AP5Z1: variants seen among roughly 807,000 people sequenced by gnomAD.
AP5Z1 encodes AP-5 complex subunit zeta-1.
In AP5Z1, 106 loss-of-function variants were observed where a neutral mutation model predicts 83.0. That is an observed-to-expected ratio of 1.28 (90% CI 1.09 to 1.50). The LOEUF (loss-of-function observed/expected upper bound fraction) is 1.50. Among genes scored for constraint, AP5Z1 ranks in the 40% most tolerant of loss-of-function variants. The pLI is 0.00. For synonymous variants in AP5Z1, 751 were observed against 514.1 expected, an observed-to-expected ratio of 1.46 and a Z score of -6.23; for missense variants, 1,565 against 1,094.2, an observed-to-expected ratio of 1.43 and a Z score of -6.07.
Position 4,792,193 on chromosome 7 carries a change from A to C in AP5Z1, c.*808A>C, listed in dbSNP as rs1177604106. On this transcript the variant is annotated 3_prime_UTR_variant, in exon 17 of 17. Coordinates refer to ENST00000649063, the MANE Select transcript of AP5Z1 (RefSeq NM_014855.3). ...TGGGCCCTGTGGTCCCACCCTCCGG[A>C]CTACCAAGGCACAGCTGTGTCGCAC... The C allele has an allele frequency of 6.6e-6, 1 of 151,986 alleles. No individual in the cohort carries two copies. Among genetic ancestry groups the C allele is most frequent in the South Asian group, 2.1e-4 (1 of 4,830 alleles). 9.4% of individuals were successfully genotyped at this position (151,986 alleles called of 1,614,324 possible).
intron 14 of AP5Z1, 138 bp from the exon 15 acceptor site, chr7:4,790,321 C>T: frequency 6.4e-6 from 10 of 1,552,092 alleles, no homozygotes; most frequent in South Asian, 1.2e-5. Flanking sequence ...GGCTGGCAGT[C>T]TTCTGTGTTC....
intron 10 of AP5Z1, among the ~76,000 whole-genome samples, chr7:4,787,068 G>C (rs780745643): frequency 2.0e-5 from 3 of 150,852 alleles, no homozygotes; most frequent in Non-Finnish European, 4.4e-5. Context: ...CACCGCACCC[G>C]GCCTGGTGCC....
At position 4,775,761 on chromosome 7, in the gene AP5Z1, G is replaced by A; in HGVS notation, c.41+5G>A. 6.2e-7 allele frequency: 1 copy of A among 1,603,632 alleles called. No homozygotes were observed. On this transcript the variant is annotated splice_donor_5th_base_variant and intron_variant, in intron 1 of 16. Coordinates refer to ENST00000649063, the MANE Select transcript of AP5Z1 (RefSeq NM_014855.3). Reference sequence around the variant, plus strand: ...GAGTTTGCTCCACCAGGCCAGGTACGGGGGAGCTGCGGCCCCGGCCCTCCT... The same window carrying A: ...GAGTTTGCTCCACCAGGCCAGGTACAGGGGAGCTGCGGCCCCGGCCCTCCT...
At chr7:4,787,147 C>T (rs1204248545) in intron 10 of AP5Z1, among the ~76,000 whole-genome samples, 1 of 152,132 alleles carries the variant, frequency 6.6e-6, no homozygotes. Context: ...GTGGGGAATC[C>T]TCTTTCTGGA....
chr7:4,775,890 G>C lies in AP5Z1; in HGVS notation c.41+134G>C, dbSNP rs960330519. On this transcript the variant is annotated intron_variant, in intron 1 of 16. Coordinates refer to ENST00000649063, the MANE Select transcript of AP5Z1 (RefSeq NM_014855.3). Reference sequence around the variant, plus strand: ...ACTGGACTCGCCCTCGAGACTTGGGGATCGGGTAAGGCAACACGGCGGCCA... The same window carrying C: ...ACTGGACTCGCCCTCGAGACTTGGGCATCGGGTAAGGCAACACGGCGGCCA... The C allele has an allele frequency of 5.2e-5, 69 of 1,326,718 alleles. 2 individuals carry two copies. In the South Asian group the frequency reaches 8.5e-4, roughly 16 times the overall value. The allele number at this position is 1,326,718 out of a possible 1,614,324, so 82.2% of individuals were successfully genotyped here.
In AP5Z1 at chr7:4,786,250, G is replaced by C; in HGVS notation, c.1133G>C (p.Gly378Ala). ...GCCCTGGCGGGCCCTGGTCTTGCAG[G>C]GGAAGCGGCTGCAGTGGACTCGGAA... ...LPLAHFFLSH[G>A]EAAAVDSEAV... Residue 378 changes from glycine to alanine, a missense_variant and splice_region_variant, in exon 10 of 17, where the codon GGG (glycine) becomes GCG (alanine). Coordinates refer to ENST00000649063, the MANE Select transcript of AP5Z1 (RefSeq NM_014855.3). 3 of 1,600,928 alleles carry C rather than the reference G, an allele frequency of 1.9e-6. No individual in the cohort carries two copies. The highest frequency in any genetic ancestry group is 2.6e-6 in the Non-Finnish European group (3 of 1,172,110).
In AP5Z1 at chr7:4,790,734, T is replaced by C; in HGVS notation, c.2000T>C (p.Ile667Thr). The change falls in exon 16 of 17, where the codon ATC (isoleucine) becomes ACC (threonine). Residue 667 changes from isoleucine (I) to threonine (T), a missense_variant. Coordinates refer to ENST00000649063, the MANE Select transcript of AP5Z1 (RefSeq NM_014855.3). Reference sequence around the variant, plus strand: ...GATCGGAGGTGCACCGTGGAGCAGATCAACAAGTTCTTCGAAGCCCTGGAG... The same window carrying C: ...GATCGGAGGTGCACCGTGGAGCAGACCAACAAGTTCTTCGAAGCCCTGGAG... ...TYDRRCTVEQ[I>T]NKFFEALEAL... The C allele has an allele frequency of 1.2e-6, 2 of 1,610,710 alleles. No homozygotes were observed. The highest frequency in any genetic ancestry group is 1.7e-6 in the Non-Finnish European group (2 of 1,179,260).
intron 1 of AP5Z1, among the ~76,000 whole-genome samples, chr7:4,777,167 A>G (rs1053439447): frequency 2.2e-5 from 3 of 136,224 alleles, no homozygotes; most frequent in Non-Finnish European, 5.0e-5. Context: ...TCCTGGACAG[A>G]TATGTCATTC....
rs376677708 is a variant in AP5Z1 at position 4,790,599 on chromosome 7, G to A, written c.1938+8G>A. ...AGCCTCGTCACCAGCGTGGTAAGGC[G>A]GGCGCTGGCCTCCCACAGCCGCTCC... On this transcript the variant is annotated splice_region_variant and intron_variant, in intron 15 of 16. Transcript: ENST00000649063. 6.9e-5 allele frequency: 112 copies of A among 1,612,426 alleles called. No individual in the cohort carries two copies. The highest frequency in any genetic ancestry group is 8.8e-5 in the South Asian group (8 of 91,070).
chr7:4,788,093 G>T (rs963733334), intron 11 of AP5Z1, 61 bp from the exon 12 acceptor site: 3 of 1,459,570 alleles, frequency 2.1e-6, no homozygotes, highest in African/African-American at 2.9e-5. Context: ...TCTCCCTGAC[G>T]GGGGTGCCCT....
intron 13 of AP5Z1, among the ~76,000 whole-genome samples, chr7:4,789,411 T>C (rs1458499287): frequency 6.6e-6 from 1 of 151,718 alleles, no homozygotes; most frequent in Non-Finnish European, 1.5e-5. Flanking sequence ...GAGGCCAAAA[T>C]AAAGGCTCCC....
intron 10 of AP5Z1, 174 bp from the exon 11 acceptor site, chr7:4,787,460 T>C: frequency 3.1e-6 from 3 of 972,184 alleles, no homozygotes; most frequent in Non-Finnish European, 4.4e-6. Flanking sequence ...CACTCCAGCC[T>C]GGGCGACAGA....
At chr7:4,782,982 CTG>C (rs1300761698) in intron 3 of AP5Z1, among the ~76,000 whole-genome samples, 1 of 152,166 alleles carries the variant, frequency 6.6e-6, no homozygotes, top group Non-Finnish European at 1.5e-5. Flanking sequence ...GGTTTAAAGA[CTG>C]GGATCCACAC....
At position 4,784,365 on chromosome 7, in the gene AP5Z1, G is replaced by T. The variant is rs772940437; in HGVS notation, c.784G>T (p.Asp262Tyr). The T allele has an allele frequency of 6.4e-7, 1 of 1,551,276 alleles. No homozygotes were observed. The highest frequency in any genetic ancestry group is 8.7e-7 in the Non-Finnish European group (1 of 1,148,682). The change falls in exon 6 of 17, where the codon GAC becomes TAC. Residue 262 changes from aspartate (D) to tyrosine (Y), a missense_variant. Asp to Tyr is a radical substitution (Grantham distance 160, BLOSUM62 -3). Transcript: ENST00000649063. ...HSGPEGPGTL[D>Y]TDDRSEQEGS... ...CGGCCCCGAGGGCCCGGGCACCCTG[G>T]ACACAGGTGTGCGGGGTGGGGGGAT...
intron 14 of AP5Z1, 99 bp downstream of exon 14, chr7:4,790,028 C>T: frequency 8.6e-7 from 1 of 1,157,942 alleles, no homozygotes; most frequent in Non-Finnish European, 1.2e-6. Flanking sequence ...TTCGGCACCA[C>T]CCCTAGCTGG....
At chr7:4,786,824 G>A (rs1464367018) in intron 10 of AP5Z1, among the ~76,000 whole-genome samples, 5 of 151,930 alleles carry the variant, frequency 3.3e-5, no homozygotes, top group South Asian at 4.2e-4. Flanking sequence ...AGGCTGGAGT[G>A]CAGTGGCGCA....
Position 4,775,715 on chromosome 7 carries a change from G to A in AP5Z1, c.-1G>A. The A allele has an allele frequency of 6.2e-7, 1 of 1,606,994 alleles. No individual in the cohort carries two copies. Among genetic ancestry groups the A allele is most frequent in the Non-Finnish European group, 8.5e-7 (1 of 1,179,730 alleles). On this transcript the variant is annotated 5_prime_UTR_variant, in exon 1 of 17. Coordinates refer to ENST00000649063, the MANE Select transcript of AP5Z1 (RefSeq NM_014855.3). Reference sequence around the variant, plus strand: ...CGTGCGCGTCTGGTGGCGGCGGCGTGATGTTCTCGGCAGGAGCGGAGAGTT... The same window carrying A: ...CGTGCGCGTCTGGTGGCGGCGGCGTAATGTTCTCGGCAGGAGCGGAGAGTT...
In AP5Z1 at chr7:4,788,941, C is replaced by G. The variant is rs1165823446; in HGVS notation, c.1697C>G (p.Ala566Gly). The G allele has an allele frequency of 1.9e-6, 3 of 1,611,074 alleles. No homozygotes were observed. Among genetic ancestry groups the G allele is most frequent in the Non-Finnish European group, 2.5e-6 (3 of 1,179,358 alleles). Residue 566 changes from alanine (A) to glycine (G), a missense_variant, in exon 13 of 17, where the codon GCA (alanine) becomes GGA (glycine). By Grantham distance (60) the Ala-to-Gly change is moderately conservative (BLOSUM62 0). Coordinates refer to ENST00000649063, the MANE Select transcript of AP5Z1 (RefSeq NM_014855.3). The part of the protein sequence containing the change: ...VPTLLQAFFS[A>G]VTQVADGSLI... Reference sequence around the variant, plus strand: ...ACGCTGCTGCAGGCATTCTTCTCAGCAGTGACCCAGGTGAGCTCGCTGCCT... The same window carrying G: ...ACGCTGCTGCAGGCATTCTTCTCAGGAGTGACCCAGGTGAGCTCGCTGCCT...
At chr7:4,789,120 G>A in intron 13 of AP5Z1, 169 bp downstream of exon 13, 1 of 605,980 alleles carries the variant, frequency 1.7e-6, no homozygotes, top group Non-Finnish European at 2.9e-6. Flanking sequence ...GCCCCGGCAG[G>A]CCCCGTCCCT....
Sources: allele counts gnomAD v4.1 joint callset (sites outside exome capture counted in the v4.1 genomes callset), GRCh38; gene constraint gnomAD v4.1.1; transcripts MANE v1.5; gene names NCBI Gene and HGNC (gene_info 2026-07-23, HGNC 2026-07-21).